MAP3K20: variants seen among roughly 807,000 people sequenced by gnomAD.
MAP3K20 encodes the protein HCCS-4.
MAP3K20 carries 40 observed loss-of-function variants against 85.7 expected under a neutral mutation model. That is an observed-to-expected ratio of 0.47 (90% confidence interval 0.36 to 0.61). MAP3K20 has a LOEUF of 0.61. Ranked by LOEUF, MAP3K20 falls within the 20% of genes least tolerant of loss-of-function variation. The pLI, the probability that MAP3K20 is intolerant of heterozygous loss-of-function variation, is 0.00. For synonymous variants in MAP3K20, 325 were observed against 327.7 expected (o/e 0.99, Z 0.09); for missense variants, 817 against 961.7 (o/e 0.85, Z 1.99).
Position 173,255,881 on chromosome 2 carries a change from G to A in MAP3K20, c.1360-2818G>A, listed in dbSNP as rs931781489. Among the ~76,000 whole-genome samples, 5 of 152,222 alleles carry A rather than the reference G, an allele frequency of 3.3e-5. No individual in the cohort carries two copies. In the South Asian group the frequency reaches 8.3e-4, roughly 25 times the overall value. ...TGCTATTTCAGAGAAGAGCAATCATGACACCAAACAGTCATTATCCTGCCC... is the reference window on the plus strand; with the variant it reads ...TGCTATTTCAGAGAAGAGCAATCATAACACCAAACAGTCATTATCCTGCCC... On this transcript the variant is annotated intron_variant, in intron 16 of 19. Transcript: ENST00000375213.
intron 11 of MAP3K20, chr2:173,225,522 A>G: frequency 1.2e-6 from 1 of 865,844 alleles, no homozygotes; most frequent in Non-Finnish European, 1.4e-6. Flanking sequence ...TGAACCCGGG[A>G]GGCAGAGGTT....
At chr2:173,176,554 G>A (rs77468678) in intron 3 of MAP3K20, among the ~76,000 whole-genome samples, 5,248 of 152,032 alleles carry the variant, frequency 0.035, 122 homozygotes, top group Admixed American at 0.054. Flanking sequence ...AAAGTCATTC[G>A]ATAAATATAA....
chr2:173,091,681 G>GCTAA (rs1687304395), intron 2 of MAP3K20, among the ~76,000 whole-genome samples: 1 of 152,064 alleles, frequency 6.6e-6, no homozygotes, highest in African/African-American at 2.4e-5. Context: ...TCTACTTAAG[G>GCTAA]CTAACAGTGA....
At chr2:173,122,367 C>T (rs1465200452) in intron 2 of MAP3K20, among the ~76,000 whole-genome samples, 1 of 152,182 alleles carries the variant, frequency 6.6e-6, no homozygotes, top group African/African-American at 2.4e-5. Context: ...TCTTAGTCAA[C>T]TTGTGGGGAA....
chr2:173,204,319 C>G (rs1472852534), intron 9 of MAP3K20, among the ~76,000 whole-genome samples: 1 of 152,212 alleles, frequency 6.6e-6, no homozygotes, highest in Non-Finnish European at 1.5e-5. Context: ...GAGGTTACAT[C>G]ATGAGCTCAA....
In MAP3K20 at chr2:173,100,399, C is replaced by T. The variant is rs912373310; in HGVS notation, c.159+9209C>T. ...AACAGCATCGTTCACTTGGGTCTTCCTTGCCAGCCTCACAACACCTGCCAT... is the reference window on the plus strand; with the variant it reads ...AACAGCATCGTTCACTTGGGTCTTCTTTGCCAGCCTCACAACACCTGCCAT... On this transcript the variant is annotated intron_variant, in intron 2 of 19. Transcript: ENST00000375213. Among the ~76,000 whole-genome samples the T allele has an allele frequency of 1.8e-4, 28 of 152,196 alleles. 1 individual carries two copies. Among genetic ancestry groups the T allele is most frequent in the Non-Finnish European group, 1.5e-5 (1 of 68,014 alleles).
At chr2:173,136,620 C>T (rs1489203135) in intron 2 of MAP3K20, among the ~76,000 whole-genome samples, 3 of 152,126 alleles carry the variant, frequency 2.0e-5, no homozygotes, top group East Asian at 3.9e-4. Context: ...ATGTGCTCTC[C>T]GGCTTCACCT....
chr2:173,116,229 A>G (rs1688120014), intron 2 of MAP3K20, among the ~76,000 whole-genome samples: 2 of 152,210 alleles, frequency 1.3e-5, no homozygotes, highest in African/African-American at 4.8e-5. Flanking sequence ...GGCTGAATCA[A>G]GCTATTTAAC....
chr2:173,229,618 C>T, intron 11 of MAP3K20, 71 bp from the exon 12 acceptor site: 2 of 1,594,756 alleles, frequency 1.3e-6, no homozygotes, highest in Non-Finnish European at 1.7e-6. Context: ...AAGAGTGAGA[C>T]AAGAGGATGA....
intron 1 of MAP3K20, among the ~76,000 whole-genome samples, chr2:173,083,354 A>T (rs1445898377): frequency 6.6e-6 from 1 of 151,556 alleles, no homozygotes; most frequent in Non-Finnish European, 1.5e-5. Context: ...TTATTTTTTT[A>T]TTTTTTATTT....
intron 2 of MAP3K20, among the ~76,000 whole-genome samples, chr2:173,116,379 C>T (rs1018315679): frequency 2.6e-5 from 4 of 152,142 alleles, no homozygotes; most frequent in Non-Finnish European, 4.4e-5. Flanking sequence ...GAACTTATTC[C>T]TCCTAACCAA....
chr2:173,207,953 G>A (rs949291941), intron 9 of MAP3K20, among the ~76,000 whole-genome samples: 5 of 152,144 alleles, frequency 3.3e-5, no homozygotes, highest in Admixed American at 1.3e-4. Flanking sequence ...TTCTAGGGAT[G>A]CTGGTCATCC....
intron 2 of MAP3K20, among the ~76,000 whole-genome samples, chr2:173,098,125 A>T (rs1044948173): frequency 1.3e-5 from 2 of 152,260 alleles, no homozygotes; most frequent in African/African-American, 4.8e-5. Context: ...ATATTTAAGT[A>T]TATCGATGGG....
intron 11 of MAP3K20, chr2:173,225,613 A>C: frequency 2.0e-6 from 2 of 984,164 alleles, no homozygotes; most frequent in Non-Finnish European, 1.2e-6. Flanking sequence ...AAAAAACAAA[A>C]AAAAACAACC....
At position 173,179,701 on chromosome 2, in the gene MAP3K20, T is replaced by TGCGC. The variant is rs947672172; in HGVS notation, c.248-3152_248-3149dup. Among the ~76,000 whole-genome samples, 18 of 95,690 alleles carry TGCGC rather than the reference T, an allele frequency of 1.9e-4. No individual in the cohort carries two copies. The East Asian group carries it at 3.1e-3, about 16-fold the overall frequency. 62.8% of individuals were successfully genotyped at this position (95,690 alleles called of 152,430 possible). A position where few individuals can be genotyped will look rare whatever the true frequency, so the allele number is the denominator to read the frequency against. On this transcript the variant is annotated intron_variant, in intron 3 of 19. Coordinates refer to ENST00000375213, the MANE Select transcript of MAP3K20 (RefSeq NM_016653.3). ...CCTATAGGTAGAAAATCCTAAGGAA[T>TGCGC]GCGCACACACACACACACACACACA...
At chr2:173,229,851 A>AT in intron 12 of MAP3K20, 118 bp downstream of exon 12, 2 of 1,139,248 alleles carry the variant, frequency 1.8e-6, no homozygotes, top group Non-Finnish European at 2.6e-6. Context: ...AGGTTGACAA[A>AT]TTCTTTTCTC....
chr2:173,248,410 G>T (rs547366992), intron 16 of MAP3K20, among the ~76,000 whole-genome samples: 1 of 152,252 alleles, frequency 6.6e-6, no homozygotes, highest in East Asian at 1.9e-4. Flanking sequence ...TCAATAAAGT[G>T]GTTTTTTAAA....
At chr2:173,184,885 G>C (rs1368851248) in intron 4 of MAP3K20, among the ~76,000 whole-genome samples, 1 of 140,018 alleles carries the variant, frequency 7.1e-6, no homozygotes, top group Non-Finnish European at 1.5e-5. Flanking sequence ...ACTCCAGCCA[G>C]AGTGAGACTC....
intron 11 of MAP3K20, among the ~76,000 whole-genome samples, chr2:173,218,944 G>A (rs1416184164): frequency 6.6e-6 from 1 of 152,140 alleles, no homozygotes; most frequent in African/African-American, 2.4e-5. Context: ...ACTGCTCTGA[G>A]GGCTACCGTC....
Sources: allele counts gnomAD v4.1 joint callset (sites outside exome capture counted in the v4.1 genomes callset), GRCh38; gene constraint gnomAD v4.1.1; transcripts MANE v1.5; gene names NCBI Gene and HGNC (gene_info 2026-07-23, HGNC 2026-07-21).